Variants in GPHN observed in about 807,000 individuals in gnomAD.
The protein encoded by GPHN is gephyrin.
GPHN carries 17 observed loss-of-function variants against 95.5 expected under a neutral mutation model. The ratio of observed to expected loss-of-function variants is 0.18; its 90% CI spans 0.12 to 0.27. The LOEUF is 0.27. Ranked by LOEUF, GPHN falls within the 10% of genes least tolerant of loss-of-function variation. GPHN has a pLI of 1.00. For missense variants in GPHN, 660 were observed against 978.1 expected, an observed-to-expected ratio of 0.67 and a Z score of 4.34; for synonymous variants, 320 against 322.5, an observed-to-expected ratio of 0.99 and a Z score of 0.08.
chr14:67,653,320 G>A, the GPHN span: 3 of 764,058 alleles, frequency 3.9e-6, no homozygotes, highest in Non-Finnish European at 6.7e-6. Context: ...TGAGTATACA[G>A]GGACTATGCG....
At chr14:67,655,861 T>C in the GPHN span, among the ~76,000 whole-genome samples, 10 of 152,134 alleles carry the variant, frequency 6.6e-5, no homozygotes, top group African/African-American at 2.2e-4. Context: ...CATCTTTTTT[T>C]CCCCTCACTG....
the GPHN span, among the ~76,000 whole-genome samples, chr14:67,259,092 C>T: frequency 6.6e-6 from 1 of 151,864 alleles, no homozygotes; most frequent in African/African-American, 2.4e-5. Context: ...ATCCGCCTGC[C>T]TCGGCTTCCC....
chr14:66,929,728 T>C (rs2066677502), intron 8 of GPHN, among the ~76,000 whole-genome samples: 1 of 151,990 alleles, frequency 6.6e-6, no homozygotes, highest in African/African-American at 2.4e-5. Context: ...TTTTTCTTTT[T>C]TGAGATGGAG....
chr14:67,710,341 C>CT, the GPHN span, among the ~76,000 whole-genome samples: 1 of 152,080 alleles, frequency 6.6e-6, no homozygotes, highest in Non-Finnish European at 1.5e-5. Flanking sequence ...AAGTTTTAAT[C>CT]TTTTTTTCCT....
the GPHN span, among the ~76,000 whole-genome samples, chr14:67,693,547 A>G: frequency 6.3e-3 from 958 of 151,286 alleles, 8 homozygotes; most frequent in Middle Eastern, 0.017. Flanking sequence ...ACGCATGCAC[A>G]TACACACTTA....
At chr14:67,645,897 A>T in the GPHN span, 1 of 1,390,938 alleles carries the variant, frequency 7.2e-7, no homozygotes, top group African/African-American at 1.4e-5. Context: ...GGGTGGGTTG[A>T]GTGTGGATTA....
chr14:67,218,430 C>T, the GPHN span, among the ~76,000 whole-genome samples: 11 of 152,150 alleles, frequency 7.2e-5, no homozygotes, highest in African/African-American at 2.7e-4. Flanking sequence ...TTGGCTGACT[C>T]AGGGACGTGC....
chr14:67,534,889 G>A, the GPHN span, among the ~76,000 whole-genome samples: 1 of 152,130 alleles, frequency 6.6e-6, no homozygotes, highest in Non-Finnish European at 1.5e-5. Context: ...ATACTCTGAT[G>A]TATATGAAAT....
chr14:67,635,194 T>C, the GPHN span, among the ~76,000 whole-genome samples: 755 of 152,194 alleles, frequency 5.0e-3, 36 homozygotes, highest in East Asian at 0.083. Flanking sequence ...CAGTGAGCCA[T>C]GTTTGTGCCA....
intron 1 of GPHN, among the ~76,000 whole-genome samples, chr14:66,529,156 G>A (rs887656571): frequency 2.0e-5 from 3 of 151,652 alleles, no homozygotes; most frequent in African/African-American, 7.3e-5. Flanking sequence ...TGGAGGCTTT[G>A]TTTGTTCCTT....
chr14:67,199,675 C>G, the GPHN span: 1 of 1,580,396 alleles, frequency 6.3e-7, no homozygotes, highest in Non-Finnish European at 8.7e-7. Flanking sequence ...CCCAGCCTGA[C>G]CGCCCTCATC....
chr14:67,654,873 C>T, the GPHN span, among the ~76,000 whole-genome samples: 13 of 151,632 alleles, frequency 8.6e-5, no homozygotes, highest in African/African-American at 2.2e-4. Context: ...ACTAAAAATA[C>T]GAAAAATTAG....
intron 3 of GPHN, among the ~76,000 whole-genome samples, chr14:66,798,888 C>T (rs755303431): frequency 6.6e-6 from 1 of 151,198 alleles, no homozygotes; most frequent in Non-Finnish European, 1.5e-5. Flanking sequence ...TTGTCTAGTT[C>T]TTTAAGATGC....
chr14:67,162,807 A>C (rs765452251), intron 19 of GPHN, among the ~76,000 whole-genome samples: 6 of 152,182 alleles, frequency 3.9e-5, no homozygotes, highest in Non-Finnish European at 7.3e-5. Context: ...ATCCTGTGAG[A>C]TCTTTATCCA....
intron 2 of GPHN, among the ~76,000 whole-genome samples, chr14:66,712,292 A>G (rs931318455): frequency 2.0e-5 from 3 of 152,164 alleles, no homozygotes; most frequent in Non-Finnish European, 4.4e-5. Flanking sequence ...TCTAACTGGC[A>G]TGAGATGGTA....
At chr14:67,446,639 G>T in the GPHN span, among the ~76,000 whole-genome samples, 33 of 152,318 alleles carry the variant, frequency 2.2e-4, no homozygotes, top group Middle Eastern at 3.4e-3. Flanking sequence ...GAGCCATTAG[G>T]ACACTGAAGC....
At chr14:67,290,366 C>G in the GPHN span, among the ~76,000 whole-genome samples, 1 of 152,110 alleles carries the variant, frequency 6.6e-6, no homozygotes, top group Non-Finnish European at 1.5e-5. Flanking sequence ...AAGACAGACT[C>G]TGATATGTGT....
At chr14:66,738,603 TA>T (rs1256157557) in intron 2 of GPHN, among the ~76,000 whole-genome samples, 1 of 152,278 alleles carries the variant, frequency 6.6e-6, no homozygotes, top group East Asian at 1.9e-4. Context: ...TACTGTCATT[TA>T]AAAAAATAGT....
chr14:66,801,381 T>A (rs751724609), intron 3 of GPHN, among the ~76,000 whole-genome samples: 1 of 152,222 alleles, frequency 6.6e-6, no homozygotes, highest in African/African-American at 2.4e-5. Flanking sequence ...CTGAGTGTTA[T>A]AAGCTTTAGC....
Sources: gnomAD v4.1 joint callset for allele counts (sites outside exome capture counted in the v4.1 genomes callset) on GRCh38, gnomAD v4.1.1 for gene constraint, MANE v1.5 for transcripts, NCBI Gene and HGNC (gene_info 2026-07-23, HGNC 2026-07-21) for gene names.